The following GOLM2 variants were observed in gnomAD, a reference collection of about 807,000 sequenced individuals.
GOLM2 encodes protein GOLM2.
GOLM2 carries 26 observed loss-of-function variants against 55.9 expected under a neutral mutation model. The observed-to-expected ratio is 0.47, with a 90% confidence interval of 0.34 to 0.65. GOLM2 has a LOEUF of 0.65. GOLM2 is among the 30% of genes least tolerant of loss of function. The pLI is 0.01. For synonymous variants in GOLM2, 165 were observed against 194.6 expected, an observed-to-expected ratio of 0.85 and a Z score of 1.27; for missense variants, 486 against 531.8, an observed-to-expected ratio of 0.91 and a Z score of 0.85.
intron 1 of GOLM2, among the ~76,000 whole-genome samples, chr15:44,294,369 G>A (rs556039995): frequency 2.0e-5 from 3 of 151,828 alleles, no homozygotes; most frequent in African/African-American, 7.2e-5. Flanking sequence ...CTTGAGGTCA[G>A]GAGTTCAAGA....
At position 44,382,388 on chromosome 15, in the gene GOLM2, G is replaced by A. The variant is rs532913242; in HGVS notation, c.1072+1412G>A. ...CAGTGGCAGGCAGGAGTGCAGTGGT[G>A]CAATCTCAGCTCACTGCAACCTCCG... On this transcript the variant is annotated intron_variant, in intron 8 of 9. Coordinates refer to ENST00000299957, the MANE Select transcript of GOLM2 (RefSeq NM_138423.4). 2.0e-5 allele frequency among the ~76,000 whole-genome samples: 3 copies of A among 151,996 alleles called. No homozygotes were observed. In the South Asian group the frequency reaches 6.2e-4, roughly 32 times the overall value.
chr15:44,328,501 A>G (rs1278921135), intron 2 of GOLM2, among the ~76,000 whole-genome samples, 184 bp from the exon 3 acceptor site: 1 of 152,218 alleles, frequency 6.6e-6, no homozygotes, highest in Non-Finnish European at 1.5e-5. Context: ...AATAAATTTT[A>G]TTGACCATGA....
chr15:44,340,090 G>A (rs1487237131), intron 6 of GOLM2, among the ~76,000 whole-genome samples: 1 of 152,102 alleles, frequency 6.6e-6, no homozygotes, highest in Non-Finnish European at 1.5e-5. Context: ...CCAAAATGCA[G>A]GGATTACAAG....
intron 1 of GOLM2, among the ~76,000 whole-genome samples, chr15:44,290,773 A>T (rs909768449): frequency 6.6e-6 from 1 of 152,042 alleles, no homozygotes; most frequent in African/African-American, 2.4e-5. Flanking sequence ...TCTTTCATCC[A>T]TTGGACTTTT....
chr15:44,302,451 G>T (rs897355482), intron 1 of GOLM2, among the ~76,000 whole-genome samples: 1 of 150,216 alleles, frequency 6.7e-6, no homozygotes. Context: ...AGTGGTTCTA[G>T]TTTTTTTCTT....
At chr15:44,389,708 G>T (rs2079474689) in intron 8 of GOLM2, among the ~76,000 whole-genome samples, 2 of 151,988 alleles carry the variant, frequency 1.3e-5, no homozygotes, top group South Asian at 4.2e-4. Context: ...TTGAGACAGG[G>T]TCTCACTCTC....
chr15:44,292,232 C>T (rs942226707), intron 1 of GOLM2, among the ~76,000 whole-genome samples: 5 of 147,796 alleles, frequency 3.4e-5, no homozygotes, highest in South Asian at 2.1e-4. Context: ...GAGTCTCGCT[C>T]GGTTAAGCAG....
At chr15:44,310,460 A>G (rs34278769) in intron 1 of GOLM2, among the ~76,000 whole-genome samples, 3 of 138,042 alleles carry the variant, frequency 2.2e-5, no homozygotes, top group East Asian at 2.4e-4. Context: ...CTCTCTATAT[A>G]TATATATATG....
chr15:44,369,117 A>C (rs1454248763), intron 6 of GOLM2, among the ~76,000 whole-genome samples: 2 of 94,818 alleles, frequency 2.1e-5, no homozygotes, highest in African/African-American at 4.1e-5. Flanking sequence ...ATATATATAT[A>C]CCCGGCTACC....
At chr15:44,382,920 C>CAAAAAA (rs748415327) in intron 8 of GOLM2, among the ~76,000 whole-genome samples, 7 of 57,652 alleles carry the variant, frequency 1.2e-4, no homozygotes, top group African/African-American at 4.7e-4. Context: ...GAGACTCTGT[C>CAAAAAA]AAAAAAAAAA....
At chr15:44,367,447 G>A (rs1325881212) in intron 6 of GOLM2, among the ~76,000 whole-genome samples, 1 of 151,910 alleles carries the variant, frequency 6.6e-6, no homozygotes, top group Non-Finnish European at 1.5e-5. Flanking sequence ...GGTTATTTTT[G>A]CCAGATATAG....
rs935978330 is a variant in GOLM2 at position 44,302,305 on chromosome 15, C to T, written c.327+12949C>T. ...GACTACATGCACATGCCACCACACC[C>T]AGCTAATTTTTGTATTTTTAGTAAA... On this transcript the variant is annotated intron_variant, in intron 1 of 9. Coordinates refer to ENST00000299957, the MANE Select transcript of GOLM2 (RefSeq NM_138423.4). 4.6e-5 allele frequency among the ~76,000 whole-genome samples: 7 copies of T among 151,486 alleles called. No individual in the cohort carries two copies. The South Asian group carries it at 1.5e-3, about 31-fold the overall frequency.
At chr15:44,353,815 G>A (rs2079180327) in intron 6 of GOLM2, among the ~76,000 whole-genome samples, 2 of 152,152 alleles carry the variant, frequency 1.3e-5, no homozygotes, top group Non-Finnish European at 2.9e-5. Flanking sequence ...GGGGGAAGTG[G>A]GGATGGTTAA....
intron 6 of GOLM2, among the ~76,000 whole-genome samples, chr15:44,369,061 GATATATTATATATATATATATATATATAT>G (rs1343941011): frequency 2.1e-5 from 1 of 47,328 alleles, no homozygotes; most frequent in East Asian, 8.1e-4. Flanking sequence ...CATATAATAG[GATATATTATATATATATATATATATATAT>G]ATATATATAT....
At chr15:44,325,585 G>C (rs142411333) in intron 2 of GOLM2, among the ~76,000 whole-genome samples, 1 of 152,162 alleles carries the variant, frequency 6.6e-6, no homozygotes, top group Non-Finnish European at 1.5e-5. Flanking sequence ...GAATGAGTCC[G>C]AAAGATCACC....
At chr15:44,380,024 T>C (rs1016990527) in intron 7 of GOLM2, among the ~76,000 whole-genome samples, 2 of 152,192 alleles carry the variant, frequency 1.3e-5, no homozygotes, top group African/African-American at 4.8e-5. Context: ...ATTATGCCAC[T>C]CTGAGCTACA....
Position 44,289,639 on chromosome 15 carries a change from G to A in GOLM2, c.327+283G>A, listed in dbSNP as rs2078706289. 6.6e-6 allele frequency among the ~76,000 whole-genome samples: 1 copy of A among 152,218 alleles called. No individual in the cohort carries two copies. Among genetic ancestry groups the A allele is most frequent in the Non-Finnish European group, 1.5e-5 (1 of 68,038 alleles). On this transcript the variant is annotated intron_variant, in intron 1 of 9. Coordinates refer to ENST00000299957, the MANE Select transcript of GOLM2 (RefSeq NM_138423.4). This position sits in a 1 kb window ranked among gnomAD's most constrained non-coding sequence, Gnocchi z 4.8. ...AAGCTCAGCTGGTGAGTTGGCAGTAGTAATCATCTGGCCTGTGTGGCCCCC... is the reference window on the plus strand; with the variant it reads ...AAGCTCAGCTGGTGAGTTGGCAGTAATAATCATCTGGCCTGTGTGGCCCCC...
At chr15:44,317,287 G>A (rs2078917094) in intron 1 of GOLM2, among the ~76,000 whole-genome samples, 1 of 152,200 alleles carries the variant, frequency 6.6e-6, no homozygotes, top group South Asian at 2.1e-4. Flanking sequence ...TGAGGTGGGA[G>A]GATCTTTTGG....
chr15:44,289,351 G>A lies in GOLM2; in HGVS notation c.322G>A (p.Asp108Asn). ...REGLGKRCED[D>N]KVKLQNNISY... ...GGGCCTCGGGAAGAGATGCGAGGATGACAAGGTAAGGACGACCCTTTTCTC... is the reference window on the plus strand; with the variant it reads ...GGGCCTCGGGAAGAGATGCGAGGATAACAAGGTAAGGACGACCCTTTTCTC... The change falls in exon 1 of 10, where the codon GAC (aspartate) becomes AAC (asparagine). Residue 108 changes from aspartate (D) to asparagine (N), a missense_variant. Coordinates refer to ENST00000299957, the MANE Select transcript of GOLM2 (RefSeq NM_138423.4). This position sits in a 1 kb window ranked among gnomAD's most constrained non-coding sequence, Gnocchi z 4.8. 1 of 1,611,202 alleles carries A rather than the reference G, an allele frequency of 6.2e-7. No homozygotes were observed.
Sources: gnomAD v4.1 joint callset for allele counts (sites outside exome capture counted in the v4.1 genomes callset) on GRCh38, gnomAD v4.1.1 for gene constraint, Gnocchi (gnomAD v3.1) non-coding constraint, MANE v1.5 for transcripts, NCBI Gene and HGNC (gene_info 2026-07-23, HGNC 2026-07-21) for gene names.